The following CAST variants were observed in gnomAD, a reference collection of about 807,000 sequenced individuals.
The protein encoded by CAST is MIR583 host.
A neutral mutation model predicts 119.6 loss-of-function variants in CAST; 76 were observed. The observed-to-expected ratio is 0.64, with a 90% confidence interval of 0.53 to 0.77. The LOEUF is 0.77. CAST is among the 30% of genes least tolerant of loss of function. CAST has a pLI of 0.00. For synonymous variants in CAST, 319 were observed against 331.6 expected, an observed-to-expected ratio of 0.96 and a Z score of 0.41; for missense variants, 953 against 946.5, an observed-to-expected ratio of 1.01 and a Z score of -0.09.
At chr5:96,614,989 A>T (rs1747427274) in intron 1 of CAST, among the ~76,000 whole-genome samples, 1 of 152,240 alleles carries the variant, frequency 6.6e-6, no homozygotes, top group Non-Finnish European at 1.5e-5. Context: ...AAATTTCAAT[A>T]GTTCAACTTA....
upstream of CAST, chr5:96,662,272 TG>T: frequency 1.0e-6 from 1 of 963,908 alleles, no homozygotes. Context: ...GGCGCAGACC[TG>T]GGGTGGGGTC....
At chr5:96,276,518 G>A in the CAST span, among the ~76,000 whole-genome samples, 1 of 152,066 alleles carries the variant, frequency 6.6e-6, no homozygotes, top group Non-Finnish European at 1.5e-5. Context: ...GATTGAAGAT[G>A]GTAAAAAAAT....
At chr5:96,428,779 A>G in the CAST span, among the ~76,000 whole-genome samples, 1 of 152,162 alleles carries the variant, frequency 6.6e-6, no homozygotes, top group Non-Finnish European at 1.5e-5. Flanking sequence ...AGTAAGGCCC[A>G]TGTATTTCTT....
At chr5:96,664,400 A>AAT (rs10587366) in intron 1 of CAST, among the ~76,000 whole-genome samples, 65 of 150,256 alleles carry the variant, frequency 4.3e-4, no homozygotes, top group South Asian at 3.6e-3. Context: ...TATATGTGTA[A>AAT]ATATATATAT....
At chr5:96,445,778 C>T in the CAST span, among the ~76,000 whole-genome samples, 1 of 152,178 alleles carries the variant, frequency 6.6e-6, no homozygotes, top group Non-Finnish European at 1.5e-5. Flanking sequence ...GCCCAATGTC[C>T]ATCCCATGGT....
chr5:96,219,103 A>G, the CAST span, among the ~76,000 whole-genome samples: 2 of 152,186 alleles, frequency 1.3e-5, no homozygotes, highest in African/African-American at 2.4e-5. Flanking sequence ...TATTATCACT[A>G]TTATTTTTTA....
chr5:96,127,359 A>G, the CAST span, among the ~76,000 whole-genome samples: 1 of 152,072 alleles, frequency 6.6e-6, no homozygotes, highest in Non-Finnish European at 1.5e-5. Flanking sequence ...TTAAAAATCT[A>G]CCTGATAATT....
At chr5:95,997,187 A>G in the CAST span, among the ~76,000 whole-genome samples, 1 of 152,102 alleles carries the variant, frequency 6.6e-6, no homozygotes, top group South Asian at 2.1e-4. Flanking sequence ...AACACACTGT[A>G]TATTGATTTT....
intron 3 of CAST, 101 bp downstream of exon 3, chr5:96,696,008 C>T: frequency 1.6e-6 from 1 of 615,070 alleles, no homozygotes; most frequent in Non-Finnish European, 2.8e-6. Context: ...CCAGATATCA[C>T]TGAAGGTTTT....
the CAST span, among the ~76,000 whole-genome samples, chr5:96,131,418 TACACACAC>T: frequency 6.8e-6 from 1 of 148,050 alleles, no homozygotes; most frequent in Non-Finnish European, 1.5e-5. Flanking sequence ...CTTGTTATTA[TACACACAC>T]ACACACACAC....
At chr5:96,394,816 T>C in the CAST span, 1 of 1,581,998 alleles carries the variant, frequency 6.3e-7, no homozygotes, top group Non-Finnish European at 8.7e-7. Context: ...GACTACATTG[T>C]CTACCCCAGT....
At chr5:96,543,291 C>A (rs1745950649) in intron 1 of CAST, among the ~76,000 whole-genome samples, 1 of 152,068 alleles carries the variant, frequency 6.6e-6, no homozygotes, top group Non-Finnish European at 1.5e-5. Context: ...AACAGAAAAC[C>A]AAGCACCACA....
Position 96,754,716 on chromosome 5 carries a change from C to T in CAST, c.1685C>T (p.Pro562Leu). 1 of 1,607,172 alleles carries T rather than the reference C, an allele frequency of 6.2e-7. No individual in the cohort carries two copies. The highest frequency in any genetic ancestry group is 8.5e-7 in the Non-Finnish European group (1 of 1,174,074). Residue 562 changes from proline (P) to leucine (L), a missense_variant, in exon 22 of 32, where the codon CCT (proline) becomes CTT (leucine). Transcript: ENST00000675179. ...KLGEKEETIP[P>L]DYRLEEVKDK... is the part of the protein sequence containing the mutation. ...GGTGAAAAAGAAGAAACAATTCCTC[C>T]TGATTATAGATTAGAAGAGGTCAAG...
At chr5:96,340,467 T>C in the CAST span, among the ~76,000 whole-genome samples, 5 of 152,148 alleles carry the variant, frequency 3.3e-5, no homozygotes, top group African/African-American at 1.2e-4. Context: ...AATTCAGTGA[T>C]CTTGGCTTTG....
At chr5:96,741,399 T>C in intron 14 of CAST, 41 bp downstream of exon 14, 1 of 1,499,336 alleles carries the variant, frequency 6.7e-7, no homozygotes. Flanking sequence ...TGTTAGGAAC[T>C]ATTTTGAACT....
chr5:96,144,647 G>A, the CAST span, among the ~76,000 whole-genome samples: 1 of 149,678 alleles, frequency 6.7e-6, no homozygotes, highest in African/African-American at 2.5e-5. Context: ...TCATTTGTTC[G>A]TTCATAAACA....
the CAST span, among the ~76,000 whole-genome samples, chr5:96,148,300 T>C: frequency 6.6e-6 from 1 of 152,232 alleles, no homozygotes; most frequent in Non-Finnish European, 1.5e-5. Flanking sequence ...ATGATTTTTT[T>C]TGTGGAAATA....
chr5:96,615,016 C>T lies in CAST; in HGVS notation c.61-60523C>T, dbSNP rs575218620. 1.7e-3 allele frequency among the ~76,000 whole-genome samples: 253 copies of T among 152,314 alleles called. 1 individual carries two copies. The highest frequency in any genetic ancestry group is 1.6e-3 in the Non-Finnish European group (110 of 68,026). On this transcript the variant is annotated intron_variant, in intron 1 of 11. Transcript: ENST00000505143. The stretch of plus-strand genomic sequence containing the variant: ...TTCAACTTAAGATTTTTGAACTTTA[C>T]GATGGTGCAGAAATCATATGCATTC...
chr5:96,243,602 G>A, the CAST span, among the ~76,000 whole-genome samples: 6 of 152,092 alleles, frequency 3.9e-5, no homozygotes, highest in Admixed American at 3.9e-4. Context: ...CTGGAGAAGA[G>A]GCTTTTTATT....
Sources: allele counts gnomAD v4.1 joint callset (sites outside exome capture counted in the v4.1 genomes callset), GRCh38; gene constraint gnomAD v4.1.1; transcripts MANE v1.5; gene names NCBI Gene and HGNC (gene_info 2026-07-23, HGNC 2026-07-21).